The following TYR variants were observed in gnomAD, a reference collection of about 807,000 sequenced individuals.
TYR encodes tyrosinase, also known as LB24-AB.
A neutral mutation model predicts 51.5 loss-of-function variants in TYR; 58 were observed. The observed-to-expected ratio is 1.13, with a 90% CI of 0.91 to 1.40. The LOEUF is 1.40. Ranked by LOEUF, TYR falls within the 40% of genes most tolerant of loss-of-function variation. TYR has a pLI of 0.00. For synonymous variants in TYR, 263 were observed against 235.2 expected, an observed-to-expected ratio of 1.12 and a Z score of -1.08; for missense variants, 732 against 647.4, an observed-to-expected ratio of 1.13 and a Z score of -1.42.
chr11:89,243,678 T>TA lies in TYR; in HGVS notation c.1184+15710dup, dbSNP rs575831729. On this transcript the variant is annotated intron_variant, in intron 3 of 4. Coordinates refer to ENST00000263321, the MANE Select transcript of TYR (RefSeq NM_000372.5). ...AATGTTTAATCGAATTAATAAAGTG[T>TA]AACAATGTCCAACTGCAGTGTGTTA... Among the ~76,000 whole-genome samples the TA allele has an allele frequency of 1.8e-3, 270 of 152,286 alleles. 4 individuals are homozygous for TA. Among genetic ancestry groups the TA allele is most frequent in the African/African-American group, 6.3e-3 (261 of 41,556 alleles).
intron 2 of TYR, among the ~76,000 whole-genome samples, chr11:89,205,981 A>G (rs932948026): frequency 2.0e-5 from 3 of 152,172 alleles, no homozygotes; most frequent in African/African-American, 7.2e-5. Context: ...TGTAAAAATA[A>G]TGTAATACTT....
intron 2 of TYR, among the ~76,000 whole-genome samples, chr11:89,223,895 T>A (rs1943944320): frequency 6.9e-6 from 1 of 144,384 alleles, no homozygotes; most frequent in Non-Finnish European, 1.5e-5. Flanking sequence ...TTCCTTGTGC[T>A]TTTTCTTTAG....
rs151239567 is a variant in TYR, at chr11:89,207,717, GAATAT to G, written c.1036+16303_1036+16307del. On this transcript the variant is annotated intron_variant, in intron 2 of 4. Transcript: ENST00000263321. The stretch of plus-strand genomic sequence containing the variant: ...ATGTAAAAATTCTTAAAATATTGAC[GAATAT>G]AATTCAGCTGCATATAAAAAGAATT... Among the ~76,000 whole-genome samples, 606 of 152,128 alleles carry G rather than the reference GAATAT, an allele frequency of 4.0e-3. 3 individuals are homozygous for G. The highest frequency in any genetic ancestry group is 0.014 in the African/African-American group (579 of 41,508).
chr11:89,231,031 G>C (rs71458617), intron 3 of TYR, among the ~76,000 whole-genome samples: 35,667 of 151,360 alleles, frequency 0.24, 6,662 homozygotes, highest in African/African-American at 0.52. Context: ...ATTAGCCATG[G>C]GTGGTGGCAG....
chr11:89,269,561 A>T (rs1944565844), intron 3 of TYR, among the ~76,000 whole-genome samples: 1 of 151,892 alleles, frequency 6.6e-6, no homozygotes, highest in Non-Finnish European at 1.5e-5. Context: ...AGTTTCTCCA[A>T]GTTTCATCAT....
intron 2 of TYR, among the ~76,000 whole-genome samples, chr11:89,209,676 G>T (rs989163345): frequency 6.6e-6 from 1 of 152,140 alleles, no homozygotes; most frequent in African/African-American, 2.4e-5. Context: ...CCCTGACCCC[G>T]TGTAGCCTGA....
intron 3 of TYR, among the ~76,000 whole-genome samples, chr11:89,254,396 T>C (rs1406090171): frequency 3.3e-5 from 5 of 151,630 alleles, no homozygotes; most frequent in Non-Finnish European, 7.4e-5. Flanking sequence ...GTCAGTAGGA[T>C]TCATAACAAT....
intron 2 of TYR, among the ~76,000 whole-genome samples, chr11:89,193,012 C>T (rs2135254644): frequency 1.3e-5 from 2 of 152,160 alleles, no homozygotes; most frequent in Admixed American, 1.3e-4. Context: ...TGGACAATAC[C>T]AGTTTGGTCT....
At chr11:89,228,091 C>G (rs1448020670) in intron 3 of TYR, 121 bp downstream of exon 3, 1 of 1,233,532 alleles carries the variant, frequency 8.1e-7, no homozygotes, top group Admixed American at 1.8e-5. Context: ...TGTCTGTGAT[C>G]AGGTTGTCAC....
chr11:89,205,251 G>A (rs556161781), intron 2 of TYR, among the ~76,000 whole-genome samples: 11 of 151,996 alleles, frequency 7.2e-5, no homozygotes, highest in African/African-American at 1.4e-4. Flanking sequence ...AATTAAAAAG[G>A]CTCAAAGAGT....
intron 2 of TYR, among the ~76,000 whole-genome samples, chr11:89,226,583 C>G (rs1048698095): frequency 6.6e-6 from 1 of 152,016 alleles, no homozygotes; most frequent in African/African-American, 2.4e-5. Context: ...CATCACTACC[C>G]GAAGGGGCAG....
At chr11:89,281,123 T>A (rs1395218084) in intron 3 of TYR, among the ~76,000 whole-genome samples, 1 of 151,706 alleles carries the variant, frequency 6.6e-6, no homozygotes, top group East Asian at 2.0e-4. Flanking sequence ...CTTTTTCTTC[T>A]TTTGCCTCTG....
intron 3 of TYR, among the ~76,000 whole-genome samples, chr11:89,257,011 A>T (rs1236740313): frequency 6.6e-6 from 1 of 151,928 alleles, no homozygotes; most frequent in Non-Finnish European, 1.5e-5. Flanking sequence ...AGGAATGATA[A>T]TGCTGATTCT....
chr11:89,215,151 A>T lies in TYR; in HGVS notation c.1037-12672A>T, dbSNP rs144022172. ...TAAGCACAAAATTCAGTTAAGCACT[A>T]TGATGTGATATAATATCTATATATT... On this transcript the variant is annotated intron_variant, in intron 2 of 4. Coordinates refer to ENST00000263321, the MANE Select transcript of TYR (RefSeq NM_000372.5). Among the ~76,000 whole-genome samples the T allele has an allele frequency of 7.7e-3, 1,179 of 152,336 alleles. 14 individuals are homozygous for T. Among genetic ancestry groups the T allele is most frequent in the African/African-American group, 0.026 (1,085 of 41,580 alleles).
chr11:89,203,711 T>G (rs556539689), intron 2 of TYR, among the ~76,000 whole-genome samples: 1 of 152,128 alleles, frequency 6.6e-6, no homozygotes, highest in Admixed American at 6.5e-5. Flanking sequence ...GATTTGGAGC[T>G]GAAGAAGCTT....
chr11:89,236,593 G>A (rs1424607647), intron 3 of TYR, among the ~76,000 whole-genome samples: 3 of 152,078 alleles, frequency 2.0e-5, no homozygotes, highest in African/African-American at 7.2e-5. Context: ...GAGAACTGTG[G>A]GTTACCACAG....
At chr11:89,201,498 T>C (rs1278378344) in intron 2 of TYR, among the ~76,000 whole-genome samples, 4 of 152,246 alleles carry the variant, frequency 2.6e-5, no homozygotes, top group African/African-American at 4.8e-5. Context: ...TAAAAAGGCA[T>C]GTAAAAAAAG....
intron 2 of TYR, among the ~76,000 whole-genome samples, chr11:89,206,152 T>C (rs1275309400): frequency 2.6e-5 from 4 of 152,036 alleles, no homozygotes; most frequent in African/African-American, 9.7e-5. Context: ...GTTTAAGCCA[T>C]AACATTATAT....
chr11:89,239,687 T>C (rs1364007880), intron 3 of TYR, among the ~76,000 whole-genome samples: 1 of 152,156 alleles, frequency 6.6e-6, no homozygotes, highest in East Asian at 1.9e-4. Context: ...TTGTTATAAA[T>C]ATCCTTCTTA....
Sources: gnomAD v4.1 joint callset for allele counts (sites outside exome capture counted in the v4.1 genomes callset) on GRCh38, gnomAD v4.1.1 for gene constraint, MANE v1.5 for transcripts, NCBI Gene and HGNC (gene_info 2026-07-23, HGNC 2026-07-21) for gene names.